TTC27: variants seen among roughly 807,000 people sequenced by gnomAD.
The protein encoded by TTC27 is tetratricopeptide repeat protein 27.
In TTC27, 79 loss-of-function variants were observed where a neutral mutation model predicts 115.9. The ratio of observed to expected loss-of-function variants is 0.68; its 90% CI spans 0.57 to 0.82. The LOEUF (loss-of-function observed/expected upper bound fraction) is 0.82, where lower values mean the gene tolerates loss of function less well. TTC27 is among the 40% of genes least tolerant of loss of function. TTC27 has a pLI of 0.00. For missense variants in TTC27, 1,054 were observed against 993.1 expected (o/e 1.06, Z -0.82); for synonymous variants, 401 against 356.0 (o/e 1.13, Z -1.42).
chr2:32,777,740 A>G (rs1670044396), intron 13 of TTC27, 142 bp from the exon 14 acceptor site: 2 of 739,858 alleles, frequency 2.7e-6, no homozygotes, highest in African/African-American at 1.8e-5. Context: ...CTACATTTAA[A>G]CTAAATGTAA....
At chr2:32,669,192 G>A (rs756854731) in intron 7 of TTC27, among the ~76,000 whole-genome samples, 8 of 152,096 alleles carry the variant, frequency 5.3e-5, no homozygotes, top group Non-Finnish European at 7.4e-5. Flanking sequence ...GGGTTTCACC[G>A]TGTTGCCCAG....
chr2:32,792,710 G>A (rs1462032025), intron 16 of TTC27, among the ~76,000 whole-genome samples: 1 of 152,142 alleles, frequency 6.6e-6, no homozygotes, highest in Non-Finnish European at 1.5e-5. Flanking sequence ...TTTGTAATGG[G>A]TTAAGGCAGT....
intron 4 of TTC27, among the ~76,000 whole-genome samples, 162 bp from the exon 5 acceptor site, chr2:32,649,969 G>T (rs1665025981): frequency 6.6e-6 from 1 of 152,158 alleles, no homozygotes; most frequent in South Asian, 2.1e-4. Flanking sequence ...AGACACAGAT[G>T]TGGGTTTTGG....
intron 16 of TTC27, among the ~76,000 whole-genome samples, chr2:32,806,735 C>T (rs534854168): frequency 9.9e-4 from 151 of 151,938 alleles, no homozygotes; most frequent in Admixed American, 1.9e-3. Flanking sequence ...GAGCCAAGAT[C>T]GCGCCACTGC....
intron 18 of TTC27, among the ~76,000 whole-genome samples, chr2:32,812,942 A>C (rs1572636340): frequency 6.6e-6 from 1 of 152,212 alleles, no homozygotes; most frequent in African/African-American, 2.4e-5. Context: ...ATTACATAGC[A>C]TTAAGGAAAT....
chr2:32,750,233 C>T (rs563171855), intron 12 of TTC27, among the ~76,000 whole-genome samples: 4 of 152,170 alleles, frequency 2.6e-5, no homozygotes, highest in Non-Finnish European at 5.9e-5. Flanking sequence ...TAGCTATTAA[C>T]CCTGTGAGTC....
chr2:32,750,113 G>C (rs1395782334), intron 12 of TTC27, among the ~76,000 whole-genome samples: 1 of 152,188 alleles, frequency 6.6e-6, no homozygotes, highest in Admixed American at 6.5e-5. Context: ...GCACAAGTGG[G>C]TAAGTCAGAA....
intron 5 of TTC27, among the ~76,000 whole-genome samples, chr2:32,657,872 C>T (rs1243138418): frequency 2.0e-5 from 3 of 151,678 alleles, no homozygotes; most frequent in Non-Finnish European, 4.4e-5. Context: ...TTTTTTTGCT[C>T]AGGCTGGAGT....
chr2:32,749,261 T>C (rs1296347373), intron 12 of TTC27, among the ~76,000 whole-genome samples: 1 of 152,216 alleles, frequency 6.6e-6, no homozygotes, highest in Non-Finnish European at 1.5e-5. Flanking sequence ...AAGATAGTCT[T>C]GCAAGTGAGC....
chr2:32,778,747 T>C (rs757869435), intron 14 of TTC27, among the ~76,000 whole-genome samples: 4 of 152,246 alleles, frequency 2.6e-5, no homozygotes, highest in Non-Finnish European at 5.9e-5. Flanking sequence ...CATGAGTTGG[T>C]AGACATTTGG....
chr2:32,640,174 G>T, intron 3 of TTC27, 96 bp from the exon 4 acceptor site: 1 of 1,197,046 alleles, frequency 8.4e-7, no homozygotes, highest in Non-Finnish European at 1.2e-6. Flanking sequence ...TTGTTTCAAA[G>T]CTGAGTTGAC....
At chr2:32,755,579 G>A (rs1669204449) in intron 12 of TTC27, among the ~76,000 whole-genome samples, 1 of 151,876 alleles carries the variant, frequency 6.6e-6, no homozygotes, top group Non-Finnish European at 1.5e-5. Context: ...CTTGGAAAGA[G>A]AGGGAGAGGG....
intron 14 of TTC27, among the ~76,000 whole-genome samples, chr2:32,782,370 T>C (rs868690500): frequency 1.4e-4 from 21 of 152,344 alleles, no homozygotes; most frequent in South Asian, 6.2e-4. Context: ...AGTCTAAATT[T>C]GAAAATAAAA....
At chr2:32,797,159 G>C (rs1370518132) in intron 16 of TTC27, among the ~76,000 whole-genome samples, 1 of 129,314 alleles carries the variant, frequency 7.7e-6, no homozygotes, top group East Asian at 2.3e-4. Context: ...GGGAGACAGA[G>C]TGAAACTCTG....
intron 6 of TTC27, among the ~76,000 whole-genome samples, chr2:32,664,830 T>A (rs1375089623): frequency 6.6e-6 from 1 of 150,566 alleles, no homozygotes; most frequent in East Asian, 1.9e-4. Flanking sequence ...ATTCTTTCCA[T>A]CTTGCTTTTT....
intron 13 of TTC27, among the ~76,000 whole-genome samples, chr2:32,763,001 A>G (rs1368557702): frequency 2.0e-5 from 3 of 152,220 alleles, no homozygotes; most frequent in Non-Finnish European, 4.4e-5. Context: ...GAAGGAAGGG[A>G]TGAAGTGAGG....
At chr2:32,698,575 G>T (rs1420365792) in intron 9 of TTC27, among the ~76,000 whole-genome samples, 1 of 150,998 alleles carries the variant, frequency 6.6e-6, no homozygotes, top group Non-Finnish European at 1.5e-5. Flanking sequence ...CGCCTCCCGG[G>T]TTCACGCCAT....
chr2:32,778,274 A>C (rs1418413878), intron 14 of TTC27, among the ~76,000 whole-genome samples: 2 of 152,190 alleles, frequency 1.3e-5, no homozygotes, highest in Non-Finnish European at 2.9e-5. Context: ...TGCCTATGTT[A>C]ATTGCATTAC....
intron 14 of TTC27, among the ~76,000 whole-genome samples, chr2:32,778,256 G>T (rs1215864959): frequency 6.6e-6 from 1 of 152,074 alleles, no homozygotes; most frequent in Admixed American, 6.5e-5. Context: ...TCATTCATTA[G>T]TATGTCCTGC....
Sources: gnomAD v4.1 joint callset for allele counts (sites outside exome capture counted in the v4.1 genomes callset) on GRCh38, gnomAD v4.1.1 for gene constraint, MANE v1.5 for transcripts, NCBI Gene and HGNC (gene_info 2026-07-23, HGNC 2026-07-21) for gene names.